Variants in CLPB observed in about 807,000 individuals in gnomAD.
CLPB encodes the protein ClpB family mitochondrial disaggregase, also known as mitochondrial disaggregase.
CLPB carries 40 observed loss-of-function variants against 78.4 expected under a neutral mutation model. That is an observed-to-expected ratio of 0.51 (90% CI 0.40 to 0.66). CLPB has a LOEUF of 0.66. Among genes scored for constraint, CLPB ranks in the 30% least tolerant of loss-of-function variants. The pLI is 0.00. For missense variants in CLPB, 780 were observed against 886.9 expected, an observed-to-expected ratio of 0.88 and a Z score of 1.53; for synonymous variants, 333 against 348.0, an observed-to-expected ratio of 0.96 and a Z score of 0.48.
At chr11:72,387,802 A>AGT (rs1855127742) in intron 3 of CLPB, among the ~76,000 whole-genome samples, 2 of 152,330 alleles carry the variant, frequency 1.3e-5, no homozygotes, top group Admixed American at 1.3e-4. Flanking sequence ...TCCTGCGTTA[A>AGT]GAAGGCAGCT....
rs116638328 is a variant in CLPB at position 72,431,443 on chromosome 11, G to A, written c.404-1080C>T. Among the ~76,000 whole-genome samples, 417 of 152,264 alleles carry A rather than the reference G, an allele frequency of 2.7e-3. 4 individuals are homozygous for A. The highest frequency in any genetic ancestry group is 8.8e-3 in the African/African-American group (367 of 41,564). The stretch of plus-strand genomic sequence containing the variant: ...ACCTGGGGTCTAGCCCAGCTCTGTC[G>A]CTTATTTGCTGTATAACCTAGCCCA... On this transcript the variant is annotated intron_variant, in intron 1 of 15. Transcript: ENST00000538039.
chr11:72,411,733 T>C (rs1855882856), intron 2 of CLPB: 1 of 152,212 alleles, frequency 6.6e-6, no homozygotes, highest in Non-Finnish European at 1.5e-5. Flanking sequence ...TTGATTTTTC[T>C]TCCTCTTTCT....
intron 2 of CLPB, among the ~76,000 whole-genome samples, chr11:72,424,075 A>C (rs1856290482): frequency 6.6e-6 from 1 of 152,240 alleles, no homozygotes; most frequent in Admixed American, 6.5e-5. Flanking sequence ...CTGTTATAGC[A>C]GCCCAAACAG....
chr11:72,423,937 C>T (rs749148145), intron 2 of CLPB, among the ~76,000 whole-genome samples: 1 of 152,184 alleles, frequency 6.6e-6, no homozygotes, highest in Non-Finnish European at 1.5e-5. Context: ...AACTGTCTTC[C>T]GCCTTTCTCT....
intron 4 of CLPB, chr11:72,372,931 C>CG: frequency 6.2e-7 from 1 of 1,613,812 alleles, no homozygotes; most frequent in South Asian, 1.1e-5. Flanking sequence ...TTACCGCCAG[C>CG]GGGGAGTCCT....
intron 2 of CLPB, among the ~76,000 whole-genome samples, chr11:72,409,930 T>C (rs964779728): frequency 6.6e-6 from 1 of 151,762 alleles, no homozygotes; most frequent in African/African-American, 2.4e-5. Flanking sequence ...TGAGCCGGGA[T>C]TGTGCCACTG....
chr11:72,332,357 C>T (rs1950243150), intron 5 of CLPB, among the ~76,000 whole-genome samples: 2 of 151,290 alleles, frequency 1.3e-5, no homozygotes, highest in Admixed American at 1.3e-4. Context: ...GGCATGGGGG[C>T]ACATGCCCGT....
intron 1 of CLPB, 81 bp downstream of exon 1, chr11:72,433,991 A>C: frequency 6.6e-7 from 1 of 1,511,964 alleles, no homozygotes; most frequent in Non-Finnish European, 8.9e-7. Flanking sequence ...TAAACCTATA[A>C]GTACCTCCCA....
At chr11:72,403,194 C>T in intron 2 of CLPB, 142 bp from the exon 3 acceptor site, 1 of 815,690 alleles carries the variant, frequency 1.2e-6, no homozygotes, top group South Asian at 1.6e-5. Context: ...GAAGAAATGA[C>T]ATAGTCAACA....
At chr11:72,306,045 G>A (rs532207993) in intron 9 of CLPB, among the ~76,000 whole-genome samples, 1 of 152,310 alleles carries the variant, frequency 6.6e-6, no homozygotes, top group East Asian at 1.9e-4. Flanking sequence ...CTGCCAACCT[G>A]ATGAATTGAC....
intron 4 of CLPB, among the ~76,000 whole-genome samples, chr11:72,373,982 A>AG (rs1951093376): frequency 1.5e-5 from 2 of 135,128 alleles, no homozygotes; most frequent in African/African-American, 5.2e-5. Context: ...AAAAAAAAAA[A>AG]GAACATTACT....
intron 5 of CLPB, among the ~76,000 whole-genome samples, chr11:72,353,985 A>G (rs1428687834): frequency 6.6e-6 from 1 of 152,092 alleles, no homozygotes; most frequent in Non-Finnish European, 1.5e-5. Flanking sequence ...AATAACAGAG[A>G]CTATATATAA....
At chr11:72,419,280 C>A (rs1270026637) in intron 2 of CLPB, among the ~76,000 whole-genome samples, 1 of 152,130 alleles carries the variant, frequency 6.6e-6, no homozygotes, top group East Asian at 1.9e-4. Flanking sequence ...AGCACTTGGG[C>A]GACATAAATG....
rs188986743 is a variant in CLPB, at chr11:72,285,911, T to G, written c.*7456A>C. On this transcript the variant is annotated 3_prime_UTR_variant, in exon 16 of 16. Transcript: ENST00000538039. The stretch of plus-strand genomic sequence containing the variant: ...ACAATTGATTTTTGTACAGTTATCT[T>G]TTATTCAGACACTTATCCATGCTAA... The G allele has an allele frequency of 4.9e-4, 75 of 152,288 alleles. No individual in the cohort carries two copies. Among genetic ancestry groups the G allele is most frequent in the African/African-American group, 1.6e-3 (68 of 41,568 alleles). The allele number at this position is 152,288 out of a possible 1,614,324, so 9.4% of individuals were successfully genotyped here.
At chr11:72,305,181 A>G (rs1323612763) in intron 9 of CLPB, among the ~76,000 whole-genome samples, 1 of 152,224 alleles carries the variant, frequency 6.6e-6, no homozygotes, top group African/African-American at 2.4e-5. Context: ...AGCTGAGAAC[A>G]ACGGTATCAC....
At chr11:72,413,425 A>G (rs1855935067) in intron 2 of CLPB, among the ~76,000 whole-genome samples, 1 of 152,130 alleles carries the variant, frequency 6.6e-6, no homozygotes, top group African/African-American at 2.4e-5. Flanking sequence ...AATTTCAGAT[A>G]CTATGCCCCT....
intron 9 of CLPB, among the ~76,000 whole-genome samples, chr11:72,305,648 G>A (rs901202790): frequency 6.6e-5 from 10 of 152,208 alleles, no homozygotes; most frequent in African/African-American, 2.4e-4. Context: ...CACTGCCTCC[G>A]AGGGTGGTGG....
At chr11:72,421,137 T>C (rs1856185698) in intron 2 of CLPB, among the ~76,000 whole-genome samples, 1 of 152,144 alleles carries the variant, frequency 6.6e-6, no homozygotes, top group Non-Finnish European at 1.5e-5. Flanking sequence ...ACATACCTAG[T>C]CAAACCAATC....
chr11:72,317,153 T>G lies in CLPB; in HGVS notation c.941A>C (p.Lys314Thr). 1 of 1,612,570 alleles carries G rather than the reference T, an allele frequency of 6.2e-7. No homozygotes were observed. Among genetic ancestry groups the G allele is most frequent in the Non-Finnish European group, 8.5e-7 (1 of 1,179,610 alleles). ...RRRFPLEQRL[K>T]EHIIGQESAI... The stretch of plus-strand genomic sequence containing the variant: ...GCTCTCCTGGCCAATGATGTGCTCC[T>G]TTAGTCGCTGCTCCAGGGGGAAGCG... Residue 314 changes from lysine to threonine, a missense_variant, in exon 7 of 16, where the codon AAG becomes ACG. Transcript: ENST00000538039.
Sources: gnomAD v4.1 joint callset for allele counts (sites outside exome capture counted in the v4.1 genomes callset) on GRCh38, gnomAD v4.1.1 for gene constraint, MANE v1.5 for transcripts, NCBI Gene and HGNC (gene_info 2026-07-23, HGNC 2026-07-21) for gene names.